RIMS1: variants seen among roughly 807,000 people sequenced by gnomAD.
RIMS1 encodes the protein regulating synaptic membrane exocytosis 1, also known as regulating synaptic membrane exocytosis protein 1.
RIMS1 carries 83 observed loss-of-function variants against 214.1 expected under a neutral mutation model. The ratio of observed to expected loss-of-function variants is 0.39; its 90% CI spans 0.32 to 0.47. The LOEUF (loss-of-function observed/expected upper bound fraction) is 0.47, where lower values mean the gene tolerates loss of function less well. Ranked by LOEUF, RIMS1 falls within the 20% of genes least tolerant of loss-of-function variation. The probability of loss-of-function intolerance (pLI) is 0.99; values close to 1 mark genes in which losing one functional copy is unlikely to be tolerated. For synonymous variants in RIMS1, 793 were observed against 786.8 expected, an observed-to-expected ratio of 1.01 and a Z score of -0.13; for missense variants, 2,050 against 2,161.8, an observed-to-expected ratio of 0.95 and a Z score of 1.03.
intron 19 of RIMS1, chr6:72,264,073 T>G (rs1328739413): frequency 2.5e-6 from 2 of 815,094 alleles, no homozygotes; most frequent in Non-Finnish European, 3.0e-6. Flanking sequence ...ATTTGATCAT[T>G]AATATAAACA....
intron 4 of RIMS1, among the ~76,000 whole-genome samples, chr6:72,117,789 A>G (rs2037383116): frequency 6.6e-6 from 1 of 151,954 alleles, no homozygotes; most frequent in East Asian, 1.9e-4. Flanking sequence ...TGTTAAGAGG[A>G]AAGTTCATAG....
chr6:72,082,108 A>T (rs1171812626), intron 2 of RIMS1, among the ~76,000 whole-genome samples: 1 of 152,100 alleles, frequency 6.6e-6, no homozygotes, highest in East Asian at 1.9e-4. Context: ...TTTGGAATAA[A>T]TTTTTTATTA....
chr6:72,176,757 C>T (rs576163897), intron 4 of RIMS1, among the ~76,000 whole-genome samples: 1 of 152,274 alleles, frequency 6.6e-6, no homozygotes. Context: ...CAAAGCATCA[C>T]AGACTTAAAT....
chr6:72,159,834 G>C (rs1162732206), intron 4 of RIMS1, among the ~76,000 whole-genome samples: 1 of 139,988 alleles, frequency 7.1e-6, no homozygotes, highest in Non-Finnish European at 1.6e-5. Flanking sequence ...GATGTCTCCA[G>C]CTTTGTTCTT....
chr6:72,119,317 A>G (rs1393110786), intron 4 of RIMS1, among the ~76,000 whole-genome samples: 1 of 151,858 alleles, frequency 6.6e-6, no homozygotes, highest in African/African-American at 2.4e-5. Flanking sequence ...AATAGATGAC[A>G]CACAAAAAAT....
chr6:71,959,385 T>C (rs1792233375), intron 1 of RIMS1, among the ~76,000 whole-genome samples: 1 of 152,150 alleles, frequency 6.6e-6, no homozygotes, highest in Non-Finnish European at 1.5e-5. Flanking sequence ...TCAGTAGATA[T>C]TTATTCAGCT....
intron 2 of RIMS1, among the ~76,000 whole-genome samples, chr6:72,090,858 T>C (rs1053657322): frequency 2.6e-5 from 4 of 152,216 alleles, no homozygotes; most frequent in Admixed American, 2.0e-4. Context: ...TCAGTCATTA[T>C]TAGGGCTCCC....
chr6:72,050,636 C>G (rs1184763507), intron 2 of RIMS1, among the ~76,000 whole-genome samples: 1 of 152,100 alleles, frequency 6.6e-6, no homozygotes, highest in East Asian at 1.9e-4. Flanking sequence ...GGGCTTGGAG[C>G]TGGGAGGGGA....
chr6:71,896,769 T>C (rs1771931688), intron 1 of RIMS1, among the ~76,000 whole-genome samples: 1 of 152,192 alleles, frequency 6.6e-6, no homozygotes, highest in Non-Finnish European at 1.5e-5. Context: ...CCTTTTGATT[T>C]GCCTTCAATG....
intron 6 of RIMS1, among the ~76,000 whole-genome samples, chr6:72,209,148 A>C (rs2053407642): frequency 6.6e-6 from 1 of 152,254 alleles, no homozygotes; most frequent in African/African-American, 2.4e-5. Context: ...ACAATAATTT[A>C]CATACCTGTA....
chr6:71,951,435 A>T (rs984389843), intron 1 of RIMS1, among the ~76,000 whole-genome samples: 2 of 150,152 alleles, frequency 1.3e-5, no homozygotes, highest in African/African-American at 2.4e-5. Flanking sequence ...CTAATGTAAC[A>T]TTTCAAGTAG....
At chr6:72,225,700 C>T (rs989360559) in intron 6 of RIMS1, among the ~76,000 whole-genome samples, 4 of 152,138 alleles carry the variant, frequency 2.6e-5, no homozygotes, top group Non-Finnish European at 4.4e-5. Flanking sequence ...TGTTCTCCCA[C>T]GTGAATGGAA....
At chr6:72,135,615 T>A (rs1276893359) in intron 4 of RIMS1, among the ~76,000 whole-genome samples, 1 of 152,150 alleles carries the variant, frequency 6.6e-6, no homozygotes, top group East Asian at 1.9e-4. Context: ...TGAGGTGACT[T>A]GATATCCAAA....
At chr6:72,200,661 G>T (rs1172335339) in intron 6 of RIMS1, among the ~76,000 whole-genome samples, 1 of 152,168 alleles carries the variant, frequency 6.6e-6, no homozygotes, top group Non-Finnish European at 1.5e-5. Flanking sequence ...GTCTGCCATT[G>T]ATGAGGGAAG....
chr6:72,063,027 A>T (rs543674614), intron 2 of RIMS1, among the ~76,000 whole-genome samples: 9 of 152,144 alleles, frequency 5.9e-5, no homozygotes, highest in African/African-American at 2.2e-4. Flanking sequence ...GGACTCTAGG[A>T]CTCCAACATA....
At chr6:72,378,070 A>G (rs1229107472) in intron 29 of RIMS1, among the ~76,000 whole-genome samples, 3 of 152,224 alleles carry the variant, frequency 2.0e-5, no homozygotes, top group African/African-American at 7.2e-5. Flanking sequence ...GAGTCCCCCA[A>G]CAGGAAACTG....
intron 29 of RIMS1, among the ~76,000 whole-genome samples, chr6:72,352,954 A>G (rs1295190816): frequency 1.3e-5 from 2 of 150,824 alleles, no homozygotes; most frequent in Admixed American, 1.3e-4. Context: ...ATAAATAATT[A>G]AGTCATTTGA....
At chr6:72,255,217 G>C (rs9351903) in intron 16 of RIMS1, among the ~76,000 whole-genome samples, 1 of 151,946 alleles carries the variant, frequency 6.6e-6, no homozygotes, top group Non-Finnish European at 1.5e-5. Context: ...GAGGTGATAA[G>C]TTAGCACAGT....
intron 28 of RIMS1, among the ~76,000 whole-genome samples, chr6:72,314,977 G>A (rs1029751109): frequency 6.6e-6 from 1 of 152,110 alleles, no homozygotes; most frequent in African/African-American, 2.4e-5. Context: ...AGAATAACTT[G>A]TGAGTTCATT....
Sources: gnomAD v4.1 joint callset for allele counts (sites outside exome capture counted in the v4.1 genomes callset) on GRCh38, gnomAD v4.1.1 for gene constraint, MANE v1.5 for transcripts, NCBI Gene and HGNC (gene_info 2026-07-23, HGNC 2026-07-21) for gene names.